The following CARD14 variants were observed in gnomAD, a reference collection of about 807,000 sequenced individuals.
CARD14 encodes caspase recruitment domain family member 14.
Under a neutral mutation model 111.5 loss-of-function variants are expected in CARD14, and 107 were observed. That is an observed-to-expected ratio of 0.96 (90% confidence interval 0.82 to 1.13). CARD14 has a LOEUF of 1.13. Ranked by LOEUF, CARD14 falls within the 50% of genes most tolerant of loss-of-function variation. CARD14 has a pLI of 0.00. For synonymous variants in CARD14, 617 were observed against 579.6 expected, an observed-to-expected ratio of 1.06 and a Z score of -0.93; for missense variants, 1,322 against 1,362.3, an observed-to-expected ratio of 0.97 and a Z score of 0.47.
chr17:80,184,275 G>C (rs1481767977), intron 7 of CARD14, 37 bp downstream of exon 7: 7 of 1,456,748 alleles, frequency 4.8e-6, no homozygotes, highest in Non-Finnish European at 6.4e-6. Flanking sequence ...CGACCCTGCT[G>C]TCGTCTGCCC....
In CARD14 at chr17:80,198,081, C is replaced by T. The variant is rs776110889; in HGVS notation, c.1595-18C>T. On this transcript the variant is annotated intron_variant, in intron 14 of 23. Coordinates refer to ENST00000648509, the MANE Select transcript of CARD14 (RefSeq NM_001366385.1). This position sits in a 1 kb window ranked among gnomAD's most constrained non-coding sequence, Gnocchi z 7.5. ...CAGTGGGGTGACCAAGATCTGTGAG[C>T]TCTTGGCTTCCTCCCAGACCTTCCG... 3 of 1,612,488 alleles carry T rather than the reference C, an allele frequency of 1.9e-6. No individual in the cohort carries two copies. Among genetic ancestry groups the T allele is most frequent in the East Asian group, 2.2e-5 (1 of 44,856 alleles).
intron 4 of CARD14, among the ~76,000 whole-genome samples, chr17:80,180,037 A>G (rs2040120404): frequency 6.6e-6 from 1 of 152,192 alleles, no homozygotes; most frequent in African/African-American, 2.4e-5. Context: ...AACAGTGCAC[A>G]GTTTTAAAAC....
intron 16 of CARD14, among the ~76,000 whole-genome samples, chr17:80,200,017 G>C (rs1206202189): frequency 6.6e-6 from 1 of 152,128 alleles, no homozygotes; most frequent in Non-Finnish European, 1.5e-5. Context: ...CTGGGGATGG[G>C]GGCTCTGGGG....
intron 23 of CARD14, 105 bp from the exon 24 acceptor site, chr17:80,208,033 A>C (rs910889480): frequency 6.1e-6 from 5 of 815,516 alleles, no homozygotes; most frequent in Admixed American, 6.4e-5. Context: ...AAGCGAGGCC[A>C]CCTGTGTTTA....
In CARD14 at chr17:80,203,901, G is replaced by C. The variant is rs2041127637; in HGVS notation, c.2283+16G>C. 6.3e-7 allele frequency: 1 copy of C among 1,584,518 alleles called. No homozygotes were observed. Among genetic ancestry groups the C allele is most frequent in the African/African-American group, 1.3e-5 (1 of 74,694 alleles). On this transcript the variant is annotated intron_variant, in intron 19 of 23. Transcript: ENST00000648509. This position sits in a 1 kb window ranked among gnomAD's most constrained non-coding sequence, Gnocchi z 4.6. ...GACCCGCAAGGTGAGGCTCCAGGGA[G>C]GGGCCTGGACCCCACTGGGGTGGGC...
Position 80,198,196 on chromosome 17 carries a change from T to C in CARD14, c.1658+34T>C, listed in dbSNP as rs530600920. On this transcript the variant is annotated intron_variant, in intron 15 of 23. Transcript: ENST00000648509. This position sits in a 1 kb window ranked among gnomAD's most constrained non-coding sequence, Gnocchi z 7.5. ...CAGGTGGGAATCCTCCGAGGCTGGC[T>C]GGGGAACCAGGGCCAGGGAGTGGCA... 230 of 1,611,568 alleles carry C rather than the reference T, an allele frequency of 1.4e-4. No homozygotes were observed. The highest frequency in any genetic ancestry group is 1.8e-4 in the Non-Finnish European group (216 of 1,178,226).
Position 80,205,605 on chromosome 17 carries a change from G to A in CARD14, c.2644G>A (p.Gly882Ser), listed in dbSNP as rs867829696. 5.7e-6 allele frequency: 9 copies of A among 1,568,488 alleles called. No individual in the cohort carries two copies. The highest frequency in any genetic ancestry group is 4.3e-6 in the Non-Finnish European group (5 of 1,155,970). The change falls in exon 22 of 24, where the codon GGC becomes AGC. Residue 882 changes from glycine (G) to serine (S), a missense_variant. By Grantham distance (56) the Gly-to-Ser change is moderately conservative. Coordinates refer to ENST00000648509, the MANE Select transcript of CARD14 (RefSeq NM_001366385.1). ...CATCCAGGAGGGAGAGGTGTCCGGGGGCCGCTGCTGGGTGACCCGCCATGC... is the reference window on the plus strand; with the variant it reads ...CATCCAGGAGGGAGAGGTGTCCGGGAGCCGCTGCTGGGTGACCCGCCATGC... ...DIIQEGEVSGGRCWVTRHAVE... is the reference protein window; with the variant it reads ...DIIQEGEVSGSRCWVTRHAVE...
chr17:80,170,762 G>GCCCTC (rs1159463524), intron 1 of CARD14, among the ~76,000 whole-genome samples: 2 of 112,522 alleles, frequency 1.8e-5, no homozygotes, highest in Non-Finnish European at 3.8e-5. Flanking sequence ...AGATCTCTGG[G>GCCCTC]CCCTCCCCTC....
At chr17:80,206,000 C>A in intron 22 of CARD14, 1 of 190,388 alleles carries the variant, frequency 5.3e-6, no homozygotes, top group Non-Finnish European at 1.1e-5. Context: ...AGCTTTGTGT[C>A]TGCACAGGCA....
rs9902358 is a variant in CARD14, at chr17:80,182,963, G to T, written c.349+173G>T. Among the ~76,000 whole-genome samples the T allele has an allele frequency of 0.37, 56,608 of 151,914 alleles. 11,116 individuals are homozygous for T. The highest frequency in any genetic ancestry group is 0.48 in the Middle Eastern group (140 of 294). Reference sequence around the variant, plus strand: ...GTGAGGAACCCCCTCACTGTATTGGGGTTGGATAGGATAAGGAGCCCCTGG... The same window carrying T: ...GTGAGGAACCCCCTCACTGTATTGGTGTTGGATAGGATAAGGAGCCCCTGG... On this transcript the variant is annotated intron_variant, in intron 6 of 23. Transcript: ENST00000648509. The surrounding 1 kb of genome is among the most constrained non-coding windows in gnomAD (Gnocchi z 4.7).
At position 80,208,558 on chromosome 17, in the gene CARD14, C is replaced by G; in HGVS notation, c.*213C>G. On this transcript the variant is annotated 3_prime_UTR_variant, in exon 24 of 24. Transcript: ENST00000648509. The stretch of plus-strand genomic sequence containing the variant: ...ACTGCACACTTTTCTGTGGAAACAT[C>G]TTCACCCTTTACCAGGCTTGGCATG... 1 of 505,604 alleles carries G rather than the reference C, an allele frequency of 2.0e-6. No homozygotes were observed. The highest frequency in any genetic ancestry group is 3.5e-6 in the Non-Finnish European group (1 of 287,846). The allele number at this position is 505,604 out of a possible 1,614,324, so 31.3% of individuals were successfully genotyped here.
intron 20 of CARD14, chr17:80,204,763 T>G (rs1411094622): frequency 4.5e-6 from 2 of 445,742 alleles, no homozygotes; most frequent in African/African-American, 4.0e-5. Context: ...TCCGCCATCC[T>G]CCCTTGGGCC....
At chr17:80,181,834 A>G (rs975366912) in intron 5 of CARD14, among the ~76,000 whole-genome samples, 185 bp downstream of exon 5, 5 of 152,210 alleles carry the variant, frequency 3.3e-5, no homozygotes, top group Non-Finnish European at 5.9e-5. Flanking sequence ...TTATATCTGC[A>G]AAGGCCCTTT....
chr17:80,190,749 G>T, intron 9 of CARD14, 25 bp from the exon 10 acceptor site: 1 of 1,612,808 alleles, frequency 6.2e-7, no homozygotes, highest in South Asian at 1.1e-5. Flanking sequence ...TGAGCTTCAC[G>T]GTCCATGTGT....
chr17:80,186,051 G>A (rs1346048086), intron 7 of CARD14, among the ~76,000 whole-genome samples: 10 of 152,340 alleles, frequency 6.6e-5, no homozygotes, highest in East Asian at 5.8e-4. Context: ...CGGGTGTGGG[G>A]CGCTGAGACC....
intron 20 of CARD14, 136 bp from the exon 21 acceptor site, chr17:80,204,899 C>T: frequency 1.4e-6 from 1 of 735,738 alleles, no homozygotes; most frequent in South Asian, 2.0e-5. Flanking sequence ...CCTGTGACCG[C>T]TGAGCCTGTG....
At position 80,195,900 on chromosome 17, in the gene CARD14, G is replaced by A. The variant is rs903850092; in HGVS notation, c.1594+248G>A. 3.9e-6 allele frequency: 2 copies of A among 514,526 alleles called. No individual in the cohort carries two copies. Among genetic ancestry groups the A allele is most frequent in the South Asian group, 4.7e-5 (2 of 42,974 alleles). 31.9% of individuals were successfully genotyped at this position (514,526 alleles called of 1,614,324 possible). A position where few individuals can be genotyped will look rare whatever the true frequency, so the allele number is the denominator to read the frequency against. On this transcript the variant is annotated intron_variant, in intron 14 of 23. Transcript: ENST00000648509. The surrounding 1 kb of genome is among the most constrained non-coding windows in gnomAD (Gnocchi z 4.7). Reference sequence around the variant, plus strand: ...CTTGTGTTTTTCCCTAGAGCCAGGGGAGTTGTGTCTGATCCACGCCCTGCT... The same window carrying A: ...CTTGTGTTTTTCCCTAGAGCCAGGGAAGTTGTGTCTGATCCACGCCCTGCT...
intron 7 of CARD14, among the ~76,000 whole-genome samples, chr17:80,184,677 G>A (rs75738955): frequency 1.2e-4 from 18 of 145,594 alleles, no homozygotes; most frequent in African/African-American, 3.3e-4. Context: ...GGTCTCTGTC[G>A]TCCTCCTTTG....
chr17:80,192,590 A>G lies in CARD14; in HGVS notation c.1327A>G (p.Ser443Gly). The change falls in exon 12 of 24, where the codon AGC becomes GGC. Residue 443 changes from serine to glycine, a missense_variant. Transcript: ENST00000648509. ...GCATGCCATCTGCCCCAGAGACGAC[A>G]GCGACTGCAGCCTCGTCAGCTCCAC... ...RMHAICPRDD[S>G]DCSLVSSTES... 6.2e-7 allele frequency: 1 copy of G among 1,613,270 alleles called. No individual in the cohort carries two copies. Among genetic ancestry groups the G allele is most frequent in the Non-Finnish European group, 8.5e-7 (1 of 1,179,876 alleles).
Sources: gnomAD v4.1 joint callset for allele counts (sites outside exome capture counted in the v4.1 genomes callset) on GRCh38, gnomAD v4.1.1 for gene constraint, Gnocchi (gnomAD v3.1) non-coding constraint, MANE v1.5 for transcripts, NCBI Gene and HGNC (gene_info 2026-07-23, HGNC 2026-07-21) for gene names.